Variants in RANBP2 observed in about 807,000 individuals in gnomAD.
The protein encoded by RANBP2 is E3 SUMO-protein ligase RanBP2.
A neutral mutation model predicts 303.6 loss-of-function variants in RANBP2; 57 were observed. The ratio of observed to expected loss-of-function variants is 0.19; its 90% CI spans 0.15 to 0.23. The LOEUF is 0.23. Ranked by LOEUF, RANBP2 falls within the 10% of genes least tolerant of loss-of-function variation. The pLI, the probability that RANBP2 is intolerant of heterozygous loss-of-function variation, is 1.00. For missense variants in RANBP2, 3,138 were observed against 3,780.8 expected (o/e 0.83, Z 4.46); for synonymous variants, 1,167 against 1,301.5 (o/e 0.90, Z 2.23).
At chr2:109,765,938 C>T in the RANBP2 span, among the ~76,000 whole-genome samples, 3 of 150,416 alleles carry the variant, frequency 2.0e-5, no homozygotes, top group Admixed American at 1.3e-4. Flanking sequence ...CTACCCTTTC[C>T]TCCAGCTGCA....
chr2:109,084,594 C>T, the RANBP2 span, among the ~76,000 whole-genome samples: 1 of 152,140 alleles, frequency 6.6e-6, no homozygotes, highest in Non-Finnish European at 1.5e-5. Context: ...AGCCTCTTGT[C>T]TTTGCTTCTC....
the RANBP2 span, among the ~76,000 whole-genome samples, chr2:109,525,078 TG>T: frequency 4.7e-5 from 7 of 148,494 alleles, no homozygotes; most frequent in South Asian, 2.1e-4. Flanking sequence ...TCCTTACCGT[TG>T]TTTTTTTTTT....
chr2:109,144,613 GCAAA>G, the RANBP2 span, among the ~76,000 whole-genome samples: 8 of 152,224 alleles, frequency 5.3e-5, no homozygotes, highest in African/African-American at 1.9e-4. Context: ...AACCTAAATG[GCAAA>G]CATGAGAAAC....
the RANBP2 span, among the ~76,000 whole-genome samples, chr2:109,603,081 CA>C: frequency 6.7e-6 from 1 of 149,770 alleles, no homozygotes; most frequent in Non-Finnish European, 1.5e-5. Context: ...AAAAACAAAA[CA>C]AAAAAAACAA....
chr2:109,072,462 AAGGTCCTGGTTTTC>A, the RANBP2 span, among the ~76,000 whole-genome samples: 1 of 152,088 alleles, frequency 6.6e-6, no homozygotes, highest in Admixed American at 6.5e-5. Context: ...AGCACCAAAG[AAGGTCCTGGTTTTC>A]AAGCCTCCAG....
chr2:109,009,182 AC>A, the RANBP2 span, among the ~76,000 whole-genome samples: 2 of 151,810 alleles, frequency 1.3e-5, no homozygotes, highest in African/African-American at 2.4e-5. Context: ...TACTAAAAAT[AC>A]AAAAAAATTA....
the RANBP2 span, among the ~76,000 whole-genome samples, chr2:108,933,847 G>T: frequency 2.6e-5 from 4 of 152,024 alleles, no homozygotes; most frequent in Non-Finnish European, 4.4e-5. Flanking sequence ...GGCCTGAAGG[G>T]GAACTGATAG....
chr2:108,876,076 T>A, the RANBP2 span: 1 of 1,490,552 alleles, frequency 6.7e-7, no homozygotes, highest in South Asian at 1.2e-5. Flanking sequence ...AATGTATTCA[T>A]TTTTTTTACA....
the RANBP2 span, among the ~76,000 whole-genome samples, chr2:109,297,316 G>A: frequency 2.0e-5 from 3 of 152,172 alleles, no homozygotes; most frequent in East Asian, 5.8e-4. Flanking sequence ...TTCCATCTTC[G>A]ATGAGACCCT....
At chr2:109,586,012 C>A in the RANBP2 span, among the ~76,000 whole-genome samples, 10 of 152,242 alleles carry the variant, frequency 6.6e-5, no homozygotes, top group East Asian at 1.9e-3. Flanking sequence ...AAACCTGTGT[C>A]CAGATCCTCA....
chr2:109,647,837 T>C, the RANBP2 span, among the ~76,000 whole-genome samples: 1 of 152,208 alleles, frequency 6.6e-6, no homozygotes, highest in Non-Finnish European at 1.5e-5. Context: ...ATGCCCTTGC[T>C]TCTTGAAAGT....
chr2:108,861,886 T>C, the RANBP2 span, among the ~76,000 whole-genome samples: 37 of 152,316 alleles, frequency 2.4e-4, no homozygotes, highest in South Asian at 6.4e-3. Context: ...GGTTTTGGTA[T>C]GTTATATCTT....
chr2:108,731,693 A>G, intron 4 of RANBP2: 2 of 916,364 alleles, frequency 2.2e-6, no homozygotes, highest in Non-Finnish European at 3.1e-6. Context: ...TTCTGGAATA[A>G]TTAATATTTT....
the RANBP2 span, among the ~76,000 whole-genome samples, chr2:109,472,360 A>G: frequency 1.3e-5 from 2 of 151,910 alleles, no homozygotes; most frequent in Admixed American, 6.6e-5. Flanking sequence ...GCCGGTGTGC[A>G]TGCAGGGTGT....
At chr2:109,574,818 A>G in the RANBP2 span, 2 of 1,329,804 alleles carry the variant, frequency 1.5e-6, no homozygotes, top group African/African-American at 1.5e-5. Context: ...CTACCTTAAG[A>G]TATCTGTGCA....
chr2:109,195,714 TG>T, the RANBP2 span, among the ~76,000 whole-genome samples: 1 of 152,220 alleles, frequency 6.6e-6, no homozygotes, highest in African/African-American at 2.4e-5. Context: ...TTATTTTTTT[TG>T]GTACTCATTT....
At chr2:109,581,393 C>T in the RANBP2 span, among the ~76,000 whole-genome samples, 1 of 151,610 alleles carries the variant, frequency 6.6e-6, no homozygotes, top group Non-Finnish European at 1.5e-5. Flanking sequence ...GCCGAGATTG[C>T]GCCACTGCAC....
the RANBP2 span, among the ~76,000 whole-genome samples, chr2:109,114,340 T>G: frequency 6.6e-6 from 1 of 152,260 alleles, no homozygotes; most frequent in African/African-American, 2.4e-5. Context: ...GAGATTTAAC[T>G]TCTTTCTGGT....
the RANBP2 span, among the ~76,000 whole-genome samples, chr2:109,187,167 G>A: frequency 6.6e-6 from 1 of 152,168 alleles, no homozygotes; most frequent in Non-Finnish European, 1.5e-5. Context: ...TGACCACTTC[G>A]TCGTCATTAC....
Sources: gnomAD v4.1 joint callset for allele counts (sites outside exome capture counted in the v4.1 genomes callset) on GRCh38, gnomAD v4.1.1 for gene constraint, MANE v1.5 for transcripts, NCBI Gene and HGNC (gene_info 2026-07-23, HGNC 2026-07-21) for gene names.